EPN1: variants seen among roughly 807,000 people sequenced by gnomAD.
EPN1 encodes epsin 1.
EPN1 carries 25 observed loss-of-function variants against 56.9 expected under a neutral mutation model. That is an observed-to-expected ratio of 0.44 (90% CI 0.32 to 0.61). The LOEUF (loss-of-function observed/expected upper bound fraction) is 0.61. EPN1 is among the 20% of genes least tolerant of loss of function. EPN1 has a pLI of 0.05. For missense variants in EPN1, 785 were observed against 823.7 expected (o/e 0.95, Z 0.58); for synonymous variants, 411 against 361.8 (o/e 1.14, Z -1.54).
At chr19:55,683,003 C>T (rs1288825800) in intron 2 of EPN1, among the ~76,000 whole-genome samples, 2 of 151,944 alleles carry the variant, frequency 1.3e-5, no homozygotes, top group Non-Finnish European at 1.5e-5. Context: ...GATCCGCCCG[C>T]CTTGGCCTCC....
In EPN1 at chr19:55,675,321, C is replaced by T. The variant is rs1985316507; in HGVS notation, c.-216C>T. ...GCGGCGGAGCCGTCGGCGTGCGGCC[C>T]TCCTTGCGTTCGTGCGTGCGCCCGT... On this transcript the variant is annotated 5_prime_UTR_variant, in exon 1 of 11. Transcript: ENST00000270460. 1.3e-5 allele frequency: 2 copies of T among 152,072 alleles called. No individual in the cohort carries two copies. The highest frequency in any genetic ancestry group is 2.1e-4 in the South Asian group (1 of 4,832). The allele number at this position is 152,072 out of a possible 1,614,324, so 9.4% of individuals were successfully genotyped here.
Position 55,691,818 on chromosome 19 carries a change from G to A in EPN1, c.827G>A (p.Trp276Ter). ...GCTCCTGCCCCGACCACAGACCCCT[G>A]GGGGGGCCCAGCACCCATGGCTGCT... is the stretch of plus-strand genomic sequence containing the variant. ...APAPAPTTDP[W>*]GGPAPMAAAV... The change falls in exon 7 of 11, where the codon TGG becomes TAG. Residue 276 changes from tryptophan to a stop codon, truncating the protein, a stop_gained. Transcript: ENST00000270460. LOFTEE classifies it high-confidence loss of function. The surrounding 1 kb of genome is among the most constrained non-coding windows in gnomAD (Gnocchi z 5.6). The A allele has an allele frequency of 6.2e-7, 1 of 1,609,618 alleles. No homozygotes were observed. The highest frequency in any genetic ancestry group is 8.5e-7 in the Non-Finnish European group (1 of 1,177,274).
Position 55,680,307 on chromosome 19 carries a change from C to T in EPN1, c.228+1452C>T, listed in dbSNP as rs886963600. On this transcript the variant is annotated intron_variant, in intron 2 of 10. Transcript: ENST00000270460. ...AAGGTTTTTGTCACCCCCAAGACCTCCCCTATGGTTTTTGCAGCCCCTCTG... is the reference window on the plus strand; with the variant it reads ...AAGGTTTTTGTCACCCCCAAGACCTTCCCTATGGTTTTTGCAGCCCCTCTG... Among the ~76,000 whole-genome samples, 25 of 152,302 alleles carry T rather than the reference C, an allele frequency of 1.6e-4. No homozygotes were observed. The East Asian group carries it at 3.5e-3, about 21-fold the overall frequency.
rs1316249504 is a variant in EPN1 at position 55,706,491 on chromosome 19, A to C, written c.*11135A>C. 2 of 151,680 alleles carry C rather than the reference A, an allele frequency of 1.3e-5. No homozygotes were observed. The highest frequency in any genetic ancestry group is 2.9e-5 in the Non-Finnish European group (2 of 68,018). 9.4% of individuals were successfully genotyped at this position (151,680 alleles called of 1,614,324 possible). ...ACATGGCAAAACCCTGTCTCTACTA[A>C]AAATACAAAAATTAGCCGGGCATGA... On this transcript the variant is annotated 3_prime_UTR_variant, in exon 11 of 11. Transcript: ENST00000270460.
At chr19:55,686,640 C>A (rs571567638) in intron 3 of EPN1, among the ~76,000 whole-genome samples, 41 of 152,154 alleles carry the variant, frequency 2.7e-4, no homozygotes, top group African/African-American at 8.4e-4. Flanking sequence ...GTGTGTGCGA[C>A]CCTGCCTGGG....
chr19:55,689,975 C>T lies in EPN1; in HGVS notation c.762+25C>T, dbSNP rs972937271. The T allele has an allele frequency of 5.1e-6, 8 of 1,568,904 alleles. No individual in the cohort carries two copies. The highest frequency in any genetic ancestry group is 6.1e-6 in the Non-Finnish European group (7 of 1,155,864). ...GGTGAGCGGGGCTTGTTCTGCCCTC[C>T]CTGGCCCCTGCAGGTGTCCGTCCGT... On this transcript the variant is annotated intron_variant, in intron 6 of 10. Transcript: ENST00000270460. The surrounding 1 kb of genome is among the most constrained non-coding windows in gnomAD (Gnocchi z 5.7).
rs556508288 is a variant in EPN1 at position 55,689,749 on chromosome 19, C to G, written c.679-118C>G. On this transcript the variant is annotated intron_variant, in intron 5 of 10. Coordinates refer to ENST00000270460, the MANE Select transcript of EPN1 (RefSeq NM_001130072.2). The surrounding 1 kb of genome is among the most constrained non-coding windows in gnomAD (Gnocchi z 5.7). ...ATTTCATACATTGTCCGCATCCCAT[C>G]GAATCCTTCAGCCGCTTTCGTTGGG... is the stretch of plus-strand genomic sequence containing the variant. The G allele has an allele frequency of 4.3e-6, 4 of 932,308 alleles. No individual in the cohort carries two copies. Among genetic ancestry groups the G allele is most frequent in the African/African-American group, 3.3e-5 (2 of 61,428 alleles). 57.8% of individuals were successfully genotyped at this position (932,308 alleles called of 1,614,324 possible).
chr19:55,692,706 C>T lies in EPN1; in HGVS notation c.1087C>T (p.Pro363Ser), dbSNP rs765856430. The change falls in exon 8 of 11, where the codon CCC (proline) becomes TCC (serine). Residue 363 changes from proline to serine, a missense_variant. This residue lies in a region of EPN1 where 650 missense variants were observed against 605.0 expected (regional missense o/e 1.07). Transcript: ENST00000270460. Reference protein sequence around the residue: ...SSDGGVPVSGPSASDPWTPAP... With the variant: ...SSDGGVPVSGSSASDPWTPAP... ...CCCAGGTGGGGTCCCGGTCAGTGGG[C>T]CCTCAGCCTCCGATCCCTGGACACC... The T allele has an allele frequency of 8.4e-5, 131 of 1,551,870 alleles. No homozygotes were observed. Among genetic ancestry groups the T allele is most frequent in the Non-Finnish European group, 1.1e-4 (121 of 1,147,838 alleles).
intron 2 of EPN1, among the ~76,000 whole-genome samples, chr19:55,679,750 C>A (rs1332920888): frequency 6.6e-6 from 1 of 152,170 alleles, no homozygotes; most frequent in Non-Finnish European, 1.5e-5. Context: ...GGTTGAGGCT[C>A]GTTTCCTGTG....
intron 3 of EPN1, among the ~76,000 whole-genome samples, chr19:55,688,412 C>G (rs1490950175): frequency 6.6e-6 from 1 of 152,108 alleles, no homozygotes; most frequent in East Asian, 1.9e-4. Flanking sequence ...CCCGCTGTCT[C>G]AATGGATGCT....
chr19:55,691,745 C>A lies in EPN1; in HGVS notation c.763-9C>A, dbSNP rs975631714. 6.2e-7 allele frequency: 1 copy of A among 1,608,622 alleles called. No individual in the cohort carries two copies. Among genetic ancestry groups the A allele is most frequent in the African/African-American group, 1.3e-5 (1 of 74,810 alleles). On this transcript the variant is annotated splice_polypyrimidine_tract_variant and intron_variant, in intron 6 of 10. Transcript: ENST00000270460. The surrounding 1 kb of genome is among the most constrained non-coding windows in gnomAD (Gnocchi z 5.6). ...TCTTCATGCTCCTTCTCTTCTCTCT[C>A]CCCCACAGTCGTCCCTCATGGACCT...
chr19:55,703,107 T>G lies in EPN1; in HGVS notation c.*7751T>G, dbSNP rs1299655795. ...CCACCGCACCTGGCCTCTTTCAGTT[T>G]TGATAGCAGATTATTTCCTTTGGCC... On this transcript the variant is annotated 3_prime_UTR_variant, in exon 11 of 11. Transcript: ENST00000270460. 6.6e-6 allele frequency: 1 copy of G among 151,882 alleles called. No individual in the cohort carries two copies. The highest frequency in any genetic ancestry group is 1.5e-5 in the Non-Finnish European group (1 of 68,040). 9.4% of individuals were successfully genotyped at this position (151,882 alleles called of 1,614,324 possible). A position where few individuals can be genotyped will look rare whatever the true frequency, so the allele number is the denominator to read the frequency against.
chr19:55,682,967 G>C (rs905267937), intron 2 of EPN1, among the ~76,000 whole-genome samples: 2 of 152,002 alleles, frequency 1.3e-5, no homozygotes, highest in South Asian at 2.1e-4. Flanking sequence ...ATATTGGCCA[G>C]GCTGGTCTCG....
rs1029261607 is a variant in EPN1 at position 55,692,802 on chromosome 19, G to A, written c.1177+6G>A. On this transcript the variant is annotated splice_donor_region_variant and intron_variant, in intron 8 of 10. Transcript: ENST00000270460. The stretch of plus-strand genomic sequence containing the variant: ...CAGCACCAATGGCACAACAGGTACT[G>A]GAATGGGGGTGGGAATGGAGCCCCG... 1.9e-6 allele frequency: 3 copies of A among 1,595,522 alleles called. No homozygotes were observed. The highest frequency in any genetic ancestry group is 3.5e-5 in the Admixed American group (2 of 57,626).
In EPN1 at chr19:55,695,192, G is replaced by T. The variant is rs370854445; in HGVS notation, c.1567G>T (p.Ala523Ser). The T allele has an allele frequency of 1.9e-6, 3 of 1,613,482 alleles. No individual in the cohort carries two copies. The highest frequency in any genetic ancestry group is 1.3e-5 in the African/African-American group (1 of 74,914). The part of the protein sequence containing the change: ...GPSVTNPFQP[A>S]PPATLTLNQL... ...TTCCGTCACCAACCCCTTCCAGCCC[G>T]CGCCTCCCGCGACGCTCACCCTGAA... The change falls in exon 11 of 11, where the codon GCG becomes TCG. Residue 523 changes from alanine to serine, a missense_variant. Ala to Ser is a moderately conservative substitution (Grantham distance 99). Around this residue, in one of 2 missense-constraint regions of EPN1, gnomAD observed 650 missense variants for 605.0 expected, o/e 1.07. Coordinates refer to ENST00000270460, the MANE Select transcript of EPN1 (RefSeq NM_001130072.2). This position sits in a 1 kb window ranked among gnomAD's most constrained non-coding sequence, Gnocchi z 4.4.
chr19:55,688,713 C>T (rs1986327968), intron 3 of EPN1, among the ~76,000 whole-genome samples, 157 bp from the exon 4 acceptor site: 1 of 151,942 alleles, frequency 6.6e-6, no homozygotes, highest in Non-Finnish European at 1.5e-5. Flanking sequence ...GGCGTCTGGT[C>T]TCCGCCTCTC....
chr19:55,688,923 C>T lies in EPN1; in HGVS notation c.532C>T (p.Pro178Ser), dbSNP rs1417052050. 1 of 1,591,246 alleles carries T rather than the reference C, an allele frequency of 6.3e-7. No individual in the cohort carries two copies. The highest frequency in any genetic ancestry group is 8.5e-7 in the Non-Finnish European group (1 of 1,170,338). Residue 178 changes from proline (P) to serine (S), a missense_variant, in exon 4 of 11, where the codon CCG (proline) becomes TCG (serine). Physicochemically the swap from Pro to Ser is moderately conservative, Grantham distance 74. This residue lies in a region of EPN1 where 650 missense variants were observed against 605.0 expected (regional missense o/e 1.07). Coordinates refer to ENST00000270460, the MANE Select transcript of EPN1 (RefSeq NM_001130072.2). ...GPPPEAEQAW[P>S]QSSGEEELQL... ...CCCTCCCGAGGCGGAGCAGGCGTGG[C>T]CGCAGAGCAGCGGGGAGGAGGAGCT... is the stretch of plus-strand genomic sequence containing the variant.
intron 3 of EPN1, among the ~76,000 whole-genome samples, chr19:55,685,984 C>T (rs1600101432): frequency 6.6e-6 from 1 of 152,136 alleles, no homozygotes; most frequent in African/African-American, 2.4e-5. Context: ...CAGTGACCCC[C>T]GAGGGTGCTG....
rs531746730 is a variant in EPN1, at chr19:55,677,585, A to G, written c.-101-942A>G. On this transcript the variant is annotated intron_variant, in intron 1 of 10. Coordinates refer to ENST00000270460, the MANE Select transcript of EPN1 (RefSeq NM_001130072.2). ...TTTGCATGCAGTGTTGAAAAAGGTA[A>G]TGTCCCTCTTGTGCTGAGCGAGCAC... 6 of 1,548,810 alleles carry G rather than the reference A, an allele frequency of 3.9e-6. No individual in the cohort carries two copies. In the South Asian group the frequency reaches 4.8e-5, roughly 12 times the overall value.
Sources: allele counts gnomAD v4.1 joint callset (sites outside exome capture counted in the v4.1 genomes callset), GRCh38; gene constraint gnomAD v4.1.1; regional missense constraint gnomAD v4.1.1; non-coding constraint Gnocchi (gnomAD v3.1); transcripts MANE v1.5; gene names NCBI Gene and HGNC (gene_info 2026-07-23, HGNC 2026-07-21).